PLAGL1: variants seen among roughly 807,000 people sequenced by gnomAD.
PLAGL1 encodes the protein PLAG1 like zinc finger 1.
Under a neutral mutation model 4.6 loss-of-function variants are expected in PLAGL1, and 1 was observed. The ratio of observed to expected loss-of-function variants is 0.22; its 90% CI spans 0.08 to 1.03. The LOEUF (loss-of-function observed/expected upper bound fraction) is 1.03, where lower values mean the gene tolerates loss of function less well. PLAGL1 is among the 50% of genes least tolerant of loss of function. The pLI is 0.58. For synonymous variants in PLAGL1, 240 were observed against 237.8 expected, an observed-to-expected ratio of 1.01 and a Z score of -0.08; for missense variants, 464 against 570.4, an observed-to-expected ratio of 0.81 and a Z score of 1.90.
rs1795535306 is a variant in PLAGL1 at position 144,015,960 on chromosome 6, C to G, written c.-150-46982G>C. 6.6e-6 allele frequency among the ~76,000 whole-genome samples: 1 copy of G among 152,068 alleles called. No homozygotes were observed. The highest frequency in any genetic ancestry group is 6.6e-5 in the Admixed American group (1 of 15,248). On this transcript the variant is annotated intron_variant, in intron 1 of 3. Transcript: ENST00000437412. The surrounding 1 kb of genome is among the most constrained non-coding windows in gnomAD (Gnocchi z 4.3). ...CATATTCTCTCCAAACTGAAAACAA[C>G]TCAAATATCAGTAATAAAATGGGCA...
Position 144,061,575 on chromosome 6 carries a change from A to G in PLAGL1, c.-151+2893T>C, listed in dbSNP as rs1799403479. ...AGGTCACCAGCCAGTAAGTTATTCA[A>G]ACTTGTTTAGCCCATGTTTAACTTC... On this transcript the variant is annotated intron_variant, in intron 1 of 3. Transcript: ENST00000437412. The surrounding 1 kb of genome is among the most constrained non-coding windows in gnomAD (Gnocchi z 4.4). 6.6e-6 allele frequency among the ~76,000 whole-genome samples: 1 copy of G among 152,208 alleles called. No individual in the cohort carries two copies. Among genetic ancestry groups the G allele is most frequent in the Non-Finnish European group, 1.5e-5 (1 of 68,036 alleles).
At position 143,959,843 on chromosome 6, in the gene PLAGL1, A is replaced by C. The variant is rs1459328461; in HGVS notation, c.-325+626T>G. Among the ~76,000 whole-genome samples, 2 of 152,128 alleles carry C rather than the reference A, an allele frequency of 1.3e-5. No homozygotes were observed. The highest frequency in any genetic ancestry group is 4.8e-5 in the African/African-American group (2 of 41,450). ...AATATCATTACTGGTGATGATGATA[A>C]TGATGATGAACAGAGGTTGCTCCCA... On this transcript the variant is annotated intron_variant, in intron 6 of 7. Coordinates refer to ENST00000674357, the MANE Select transcript of PLAGL1 (RefSeq NM_001317162.2). The surrounding 1 kb of genome is among the most constrained non-coding windows in gnomAD (Gnocchi z 5.3).
intron 6 of PLAGL1, among the ~76,000 whole-genome samples, chr6:143,956,590 C>G (rs191779430): frequency 6.6e-6 from 1 of 152,202 alleles, no homozygotes; most frequent in Non-Finnish European, 1.5e-5. Flanking sequence ...ATCTCTTCTA[C>G]TAGAAGAAGG....
At position 143,982,066 on chromosome 6, in the gene PLAGL1, C is replaced by A. The variant is rs559449588; in HGVS notation, c.-544+3069G>T. 6.6e-6 allele frequency among the ~76,000 whole-genome samples: 1 copy of A among 152,152 alleles called. No individual in the cohort carries two copies. Among genetic ancestry groups the A allele is most frequent in the South Asian group, 2.1e-4 (1 of 4,826 alleles). ...AAAATTCCTACCCTTGTGAAGCGCA[C>A]CAATGAATTAAGCTTATCTTTGAAT... On this transcript the variant is annotated intron_variant, in intron 2 of 7. Transcript: ENST00000674357. This position sits in a 1 kb window ranked among gnomAD's most constrained non-coding sequence, Gnocchi z 5.3.
At chr6:144,045,558 CTGTT>C (rs1798077753) in intron 1 of PLAGL1, among the ~76,000 whole-genome samples, 1 of 152,238 alleles carries the variant, frequency 6.6e-6, no homozygotes. Context: ...GAGAGATCCA[CTGTT>C]TGTCTGATGG....
At position 143,965,229 on chromosome 6, in the gene PLAGL1, C is replaced by T. The variant is rs1784204722; in HGVS notation, c.-430-411G>A. 2 of 152,180 alleles carry T rather than the reference C, an allele frequency of 1.3e-5. No homozygotes were observed. The highest frequency in any genetic ancestry group is 4.8e-5 in the African/African-American group (2 of 41,428). The allele number at this position is 152,180 out of a possible 1,614,324, so 9.4% of individuals were successfully genotyped here. On this transcript the variant is annotated intron_variant, in intron 4 of 7. Transcript: ENST00000674357. The surrounding 1 kb of genome is among the most constrained non-coding windows in gnomAD (Gnocchi z 7.5). ...AAGGGGTCCGGGCTTTGAAATCAGT[C>T]ACGTTATCCAAACAAATTCCACTTG...
chr6:144,036,577 C>G lies in PLAGL1; in HGVS notation c.-151+27891G>C, dbSNP rs1797262793. 5.8e-6 allele frequency: 1 copy of G among 173,614 alleles called. No individual in the cohort carries two copies. Among genetic ancestry groups the G allele is most frequent in the African/African-American group, 2.4e-5 (1 of 41,594 alleles). The allele number at this position is 173,614 out of a possible 1,614,324, so 10.8% of individuals were successfully genotyped here. A position where few individuals can be genotyped will look rare whatever the true frequency, so the allele number is the denominator to read the frequency against. On this transcript the variant is annotated intron_variant, in intron 1 of 3. Coordinates refer to the PLAGL1 transcript ENST00000437412. This position sits in a 1 kb window ranked among gnomAD's most constrained non-coding sequence, Gnocchi z 5.1. Reference sequence around the variant, plus strand: ...GCTGCTACCGGGTGCAAGTGACATGCTGGAAAGAGCGTGGTAGACATCTAG... The same window carrying G: ...GCTGCTACCGGGTGCAAGTGACATGGTGGAAAGAGCGTGGTAGACATCTAG...
chr6:144,056,213 T>C lies in PLAGL1; in HGVS notation c.-151+8255A>G, dbSNP rs183562426. Among the ~76,000 whole-genome samples, 137 of 151,666 alleles carry C rather than the reference T, an allele frequency of 9.0e-4. No homozygotes were observed. The highest frequency in any genetic ancestry group is 2.3e-3 in the East Asian group (12 of 5,128). ...AAGCTGTTTTATGTTCACAGCAAAA[T>C]TGAGGAGGAAAGAGACATCTTACAT... On this transcript the variant is annotated intron_variant, in intron 1 of 3. Transcript: ENST00000437412. The surrounding 1 kb of genome is among the most constrained non-coding windows in gnomAD (Gnocchi z 4.7).
In PLAGL1 at chr6:143,972,932, A is replaced by T. The variant is rs1163494180; in HGVS notation, c.-543-3954T>A. Among the ~76,000 whole-genome samples, 1 of 152,220 alleles carries T rather than the reference A, an allele frequency of 6.6e-6. No homozygotes were observed. Among genetic ancestry groups the T allele is most frequent in the African/African-American group, 2.4e-5 (1 of 41,464 alleles). On this transcript the variant is annotated intron_variant, in intron 2 of 7. Coordinates refer to ENST00000674357, the MANE Select transcript of PLAGL1 (RefSeq NM_001317162.2). This position sits in a 1 kb window ranked among gnomAD's most constrained non-coding sequence, Gnocchi z 6.8. ...TCCTACTTATAACATAGTTGTGACAAAACCTCCATTGTTCATTACACACTA... is the reference window on the plus strand; with the variant it reads ...TCCTACTTATAACATAGTTGTGACATAACCTCCATTGTTCATTACACACTA...
rs950454098 is a variant in PLAGL1, at chr6:144,013,550, C to G, written c.-150-44572G>C. Among the ~76,000 whole-genome samples the G allele has an allele frequency of 6.6e-6, 1 of 152,164 alleles. No homozygotes were observed. Among genetic ancestry groups the G allele is most frequent in the Admixed American group, 6.5e-5 (1 of 15,274 alleles). On this transcript the variant is annotated intron_variant, in intron 1 of 3. Transcript: ENST00000437412. The surrounding 1 kb of genome is among the most constrained non-coding windows in gnomAD (Gnocchi z 4.4). ...AAACATGAAATTTATTTTCTGAGTC[C>G]GAAAGGCCAGAAGTCTGAAATCAAG...
intron 2 of PLAGL1, among the ~76,000 whole-genome samples, chr6:143,969,210 T>G (rs1784971547): frequency 6.6e-6 from 1 of 152,014 alleles, no homozygotes; most frequent in Non-Finnish European, 1.5e-5. Flanking sequence ...TACAGTGATG[T>G]GGTTAAGACC....
chr6:144,020,699 G>A (rs1331651774), intron 1 of PLAGL1, among the ~76,000 whole-genome samples: 1 of 150,764 alleles, frequency 6.6e-6, no homozygotes, highest in Non-Finnish European at 1.5e-5. Flanking sequence ...TCCTGCCTAA[G>A]CCTCCTGAGG....
intron 1 of PLAGL1, among the ~76,000 whole-genome samples, chr6:144,041,986 G>C (rs1797774341): frequency 6.6e-6 from 1 of 152,088 alleles, no homozygotes; most frequent in Admixed American, 6.5e-5. Flanking sequence ...GTCTTCTTTT[G>C]AGAAGTATCT....
chr6:143,942,309 C>G lies in PLAGL1; in HGVS notation c.507G>C (p.Lys169Asn). The G allele has an allele frequency of 6.2e-7, 1 of 1,614,112 alleles. No homozygotes were observed. The highest frequency in any genetic ancestry group is 8.5e-7 in the Non-Finnish European group (1 of 1,180,000). ...DHCERCFYTR[K>N]DVRRHLVVHT... The stretch of plus-strand genomic sequence containing the variant: ...GGACCACCAGGTGGCGTCGCACATC[C>G]TTCCGGGTGTAGAAGCATCTTTCAC... Residue 169 changes from lysine (K) to asparagine (N), a missense_variant, in exon 8 of 8, where the codon AAG (lysine) becomes AAC (asparagine). Around this residue, in one of 4 missense-constraint regions of PLAGL1, gnomAD observed 35 missense variants for 77.3 expected, o/e 0.45. Coordinates refer to ENST00000674357, the MANE Select transcript of PLAGL1 (RefSeq NM_001317162.2). The surrounding 1 kb of genome is among the most constrained non-coding windows in gnomAD (Gnocchi z 7.6).
chr6:144,029,773 G>C (rs1287186115), intron 1 of PLAGL1, among the ~76,000 whole-genome samples: 2 of 152,140 alleles, frequency 1.3e-5, no homozygotes, highest in African/African-American at 4.8e-5. Flanking sequence ...ATTGCTGATG[G>C]GAGTAGAAAC....
Position 144,036,839 on chromosome 6 carries a change from G to T in PLAGL1, c.-151+27629C>A. The T allele has an allele frequency of 3.3e-6, 1 of 304,084 alleles. No homozygotes were observed. The allele number at this position is 304,084 out of a possible 1,614,324, so 18.8% of individuals were successfully genotyped here. On this transcript the variant is annotated intron_variant, in intron 1 of 3. Coordinates refer to the PLAGL1 transcript ENST00000437412. This position sits in a 1 kb window ranked among gnomAD's most constrained non-coding sequence, Gnocchi z 5.1. ...GACTAAACAGGTTTGAAATACTCTG[G>T]CATAAAATGAAGGCCATCCCCTAAT... is the stretch of plus-strand genomic sequence containing the variant.
intron 1 of PLAGL1, chr6:144,007,228 T>C (rs540019338): frequency 6.6e-6 from 1 of 152,304 alleles, no homozygotes; most frequent in Admixed American, 6.5e-5. Context: ...TATTAATCAC[T>C]TACCATGTGC....
rs974361130 is a variant in PLAGL1 at position 143,984,540 on chromosome 6, T to C, written c.-544+595A>G. Among the ~76,000 whole-genome samples, 4 of 152,142 alleles carry C rather than the reference T, an allele frequency of 2.6e-5. No homozygotes were observed. The highest frequency in any genetic ancestry group is 9.7e-5 in the African/African-American group (4 of 41,428). ...GACTGTATTAGAGGTGCGTGTCTTC[T>C]TGGTGGCTTCAAAAGAGGTGAAACA... On this transcript the variant is annotated intron_variant, in intron 2 of 7. Coordinates refer to ENST00000674357, the MANE Select transcript of PLAGL1 (RefSeq NM_001317162.2). This position sits in a 1 kb window ranked among gnomAD's most constrained non-coding sequence, Gnocchi z 5.5.
At chr6:144,052,277 G>GTCAA (rs1008914344) in intron 1 of PLAGL1, among the ~76,000 whole-genome samples, 17 of 152,230 alleles carry the variant, frequency 1.1e-4, no homozygotes, top group South Asian at 6.2e-4. Context: ...GGAGCAATCA[G>GTCAA]TCAATCAATC....
Sources: gnomAD v4.1 joint callset for allele counts (sites outside exome capture counted in the v4.1 genomes callset) on GRCh38, gnomAD v4.1.1 for gene constraint, gnomAD v4.1.1 regional missense constraint, Gnocchi (gnomAD v3.1) non-coding constraint, MANE v1.5 for transcripts, NCBI Gene and HGNC (gene_info 2026-07-23, HGNC 2026-07-21) for gene names.